ELAVL4: variants seen among roughly 807,000 people sequenced by gnomAD.
The protein encoded by ELAVL4 is ELAV-like protein 4.
In ELAVL4, 1 loss-of-function variant was observed where a neutral mutation model predicts 35.6. The observed-to-expected ratio is 0.03, with a 90% CI of 0.01 to 0.13. ELAVL4 has a LOEUF of 0.13. Ranked by LOEUF, ELAVL4 falls within the 10% of genes least tolerant of loss-of-function variation. ELAVL4 has a pLI of 1.00. For synonymous variants in ELAVL4, 156 were observed against 171.0 expected (o/e 0.91, Z 0.69); for missense variants, 267 against 464.9 (o/e 0.57, Z 3.91).
At chr1:50,049,541 A>G (rs1194235520) in intron 1 of ELAVL4, among the ~76,000 whole-genome samples, 2 of 152,208 alleles carry the variant, frequency 1.3e-5, no homozygotes, top group African/African-American at 4.8e-5. Context: ...CAATAAAGTG[A>G]CAGTACAATG....
intron 1 of ELAVL4, among the ~76,000 whole-genome samples, chr1:50,073,138 A>C (rs919667951): frequency 3.3e-5 from 5 of 152,198 alleles, no homozygotes; most frequent in Non-Finnish European, 7.3e-5. Context: ...TTGCACAGAC[A>C]CACAGTCTCC....
chr1:50,138,348 A>G (rs1473067914), intron 1 of ELAVL4, among the ~76,000 whole-genome samples: 2 of 152,102 alleles, frequency 1.3e-5, no homozygotes, highest in African/African-American at 2.4e-5. Flanking sequence ...TTGAGTGTAC[A>G]TTTTTCTGAG....
intron 1 of ELAVL4, among the ~76,000 whole-genome samples, chr1:50,052,799 T>G (rs932732684): frequency 2.6e-5 from 4 of 152,238 alleles, no homozygotes; most frequent in Non-Finnish European, 5.9e-5. Context: ...CTGTTCCACA[T>G]GTTCATGCAT....
chr1:50,075,511 T>A (rs1366523556), intron 1 of ELAVL4, among the ~76,000 whole-genome samples: 1 of 152,176 alleles, frequency 6.6e-6, no homozygotes, highest in African/African-American at 2.4e-5. Context: ...GCTCTAGCCC[T>A]AGTCTCATCA....
chr1:50,086,415 G>A (rs1665242848), intron 1 of ELAVL4, among the ~76,000 whole-genome samples: 1 of 150,610 alleles, frequency 6.6e-6, no homozygotes, highest in Non-Finnish European at 1.5e-5. Flanking sequence ...TTCAAAATAA[G>A]GTATAACTAG....
At chr1:50,119,040 G>GAAAGA (rs1668518760) in intron 1 of ELAVL4, among the ~76,000 whole-genome samples, 1 of 46,336 alleles carries the variant, frequency 2.2e-5, no homozygotes, top group Non-Finnish European at 4.7e-5. Flanking sequence ...GAAAGAAAAA[G>GAAAGA]AAAGAAAGAA....
intron 1 of ELAVL4, among the ~76,000 whole-genome samples, chr1:50,055,986 T>C (rs930915934): frequency 2.0e-5 from 3 of 152,212 alleles, no homozygotes; most frequent in African/African-American, 7.2e-5. Context: ...TGTATAACTT[T>C]GCTCTCTTAT....
intron 1 of ELAVL4, among the ~76,000 whole-genome samples, chr1:50,079,856 C>A (rs1664931489): frequency 6.6e-6 from 1 of 152,154 alleles, no homozygotes; most frequent in Non-Finnish European, 1.5e-5. Context: ...TTTAGAGCAG[C>A]TTCTCAATAA....
intron 3 of ELAVL4, among the ~76,000 whole-genome samples, chr1:50,178,061 G>A (rs1017082037): frequency 6.6e-6 from 1 of 152,194 alleles, no homozygotes; most frequent in Non-Finnish European, 1.5e-5. Context: ...TGGTGGTCTA[G>A]TGGATGGAGC....
rs150277981 is a variant in ELAVL4, at chr1:50,144,994, C to T, written c.47C>T (p.Pro16Leu). 1.2e-5 allele frequency: 19 copies of T among 1,613,584 alleles called. No individual in the cohort carries two copies. The highest frequency in any genetic ancestry group is 5.0e-5 in the Admixed American group (3 of 59,964). Residue 16 changes from proline to leucine, a missense_variant, in exon 2 of 7, where the codon CCG becomes CTG. Pro to Leu is a moderately conservative substitution (Grantham distance 98). Transcript: ENST00000371824. ...STMEPQVSNG[P>L]TSNTSNGPSS... ...ATGGAGCCTCAGGTGTCAAATGGTC[C>T]GACATCCAATACAAGCAATGGACCC...
chr1:50,054,473 C>A (rs939113011), intron 1 of ELAVL4, among the ~76,000 whole-genome samples: 1 of 151,874 alleles, frequency 6.6e-6, no homozygotes, highest in Admixed American at 6.6e-5. Context: ...GAACTTTTAA[C>A]CAGAAAGAAT....
intron 2 of ELAVL4, among the ~76,000 whole-genome samples, chr1:50,153,566 G>A (rs1295836065): frequency 6.6e-6 from 1 of 152,196 alleles, no homozygotes; most frequent in East Asian, 1.9e-4. Context: ...AATAGACTGA[G>A]ATTCTCAAAG....
upstream of ELAVL4, among the ~76,000 whole-genome samples, chr1:50,108,531 A>G (rs1666557717): frequency 6.6e-6 from 1 of 152,158 alleles, no homozygotes; most frequent in Non-Finnish European, 1.5e-5. Context: ...AAAATATTCT[A>G]CGGTGGAAAA....
intron 1 of ELAVL4, among the ~76,000 whole-genome samples, chr1:50,139,069 T>A (rs753468861): frequency 5.3e-5 from 8 of 152,214 alleles, no homozygotes; most frequent in Non-Finnish European, 8.8e-5. Flanking sequence ...TGGCATATAA[T>A]AGGTGCTCAG....
chr1:50,109,015 TCCCC>T lies in ELAVL4; in HGVS notation c.-173_-170del. ...GCTCCTTTTCTTTTTTTTCTTTCTC[TCCCC>T]CGCCCACCCCCCCAAAAATAATTGA... On this transcript the variant is annotated 5_prime_UTR_variant, in exon 1 of 7. Coordinates refer to ENST00000371824, the MANE Select transcript of ELAVL4 (RefSeq NM_001144774.3). 1 of 961,058 alleles carries T rather than the reference TCCCC, an allele frequency of 1.0e-6. No individual in the cohort carries two copies. The highest frequency in any genetic ancestry group is 1.2e-6 in the Non-Finnish European group (1 of 816,940). The allele number at this position is 961,058 out of a possible 1,614,324, so 59.5% of individuals were successfully genotyped here. A position where few individuals can be genotyped will look rare whatever the true frequency, so the allele number is the denominator to read the frequency against.
chr1:50,079,543 G>A (rs551690844), intron 1 of ELAVL4, among the ~76,000 whole-genome samples: 6 of 152,142 alleles, frequency 3.9e-5, no homozygotes, highest in Non-Finnish European at 4.4e-5. Context: ...CAAGAAGGGG[G>A]CATGACCTTG....
At chr1:50,083,526 T>C (rs1180701428) in intron 1 of ELAVL4, among the ~76,000 whole-genome samples, 2 of 152,176 alleles carry the variant, frequency 1.3e-5, no homozygotes, top group African/African-American at 2.4e-5. Context: ...AGCTCCTTCC[T>C]CTCTCACTGG....
chr1:50,103,158 C>A (rs2148515447), upstream of ELAVL4, among the ~76,000 whole-genome samples: 1 of 152,312 alleles, frequency 6.6e-6, no homozygotes, highest in South Asian at 2.1e-4. Context: ...CATTTACCTG[C>A]ACAGGTGAAC....
At chr1:50,196,168 G>A (rs17381033) in intron 5 of ELAVL4, among the ~76,000 whole-genome samples, 9,061 of 152,296 alleles carry the variant, frequency 0.059, 370 homozygotes, top group Non-Finnish European at 0.09. Flanking sequence ...AGACCATAAG[G>A]CAGATCCTTG....
Sources: allele counts gnomAD v4.1 joint callset (sites outside exome capture counted in the v4.1 genomes callset), GRCh38; gene constraint gnomAD v4.1.1; transcripts MANE v1.5; gene names NCBI Gene and HGNC (gene_info 2026-07-23, HGNC 2026-07-21).